Variants in LIN54 observed in about 807,000 individuals in gnomAD.
LIN54 encodes the protein protein lin-54 homolog.
In LIN54, 9 loss-of-function variants were observed where a neutral mutation model predicts 78.7. The observed-to-expected ratio is 0.11, with a 90% CI of 0.07 to 0.20. The LOEUF (loss-of-function observed/expected upper bound fraction) is 0.20, where lower values mean the gene tolerates loss of function less well. Among genes scored for constraint, LIN54 ranks in the 10% least tolerant of loss-of-function variants. The probability of loss-of-function intolerance (pLI) is 1.00; values close to 1 mark genes in which losing one functional copy is unlikely to be tolerated. For missense variants in LIN54, 573 were observed against 889.9 expected (o/e 0.64, Z 4.53); for synonymous variants, 269 against 318.4 (o/e 0.84, Z 1.65).
At chr4:82,990,235 A>G (rs533931345) in intron 1 of LIN54, among the ~76,000 whole-genome samples, 1 of 152,198 alleles carries the variant, frequency 6.6e-6, no homozygotes, top group East Asian at 1.9e-4. Context: ...GAGACTTTCA[A>G]CTCTCTTTGA....
At chr4:82,970,613 G>T in intron 3 of LIN54, 144 bp from the exon 4 acceptor site, 1 of 690,538 alleles carries the variant, frequency 1.4e-6, no homozygotes, top group Non-Finnish European at 2.4e-6. Context: ...AATGAACTAT[G>T]GTAAACCTAG....
At chr4:83,007,311 A>G (rs1729484249) in intron 1 of LIN54, among the ~76,000 whole-genome samples, 1 of 152,172 alleles carries the variant, frequency 6.6e-6, no homozygotes, top group African/African-American at 2.4e-5. Context: ...ATAAAACTGA[A>G]CAAATATACA....
At chr4:82,997,296 C>A (rs1728305796) in intron 1 of LIN54, among the ~76,000 whole-genome samples, 1 of 151,986 alleles carries the variant, frequency 6.6e-6, no homozygotes, top group Non-Finnish European at 1.5e-5. Context: ...ATAAAATAAA[C>A]CCATATTGTC....
intron 3 of LIN54, among the ~76,000 whole-genome samples, chr4:82,977,483 C>G (rs535580732): frequency 6.6e-6 from 1 of 152,176 alleles, no homozygotes; most frequent in South Asian, 2.1e-4. Context: ...TCACCTAACA[C>G]TGCTTTCACA....
chr4:82,954,579 G>A (rs1052571791), intron 4 of LIN54, among the ~76,000 whole-genome samples: 2 of 152,030 alleles, frequency 1.3e-5, no homozygotes, highest in East Asian at 1.9e-4. Context: ...CACCATGCCC[G>A]GCTAATTTTT....
chr4:82,975,528 T>C (rs1419473270), intron 3 of LIN54, among the ~76,000 whole-genome samples: 1 of 151,894 alleles, frequency 6.6e-6, no homozygotes, highest in Non-Finnish European at 1.5e-5. Context: ...CTGGCCAACA[T>C]GGTGAAACCC....
chr4:83,007,131 C>CG (rs1407457801), intron 1 of LIN54, among the ~76,000 whole-genome samples: 2 of 151,910 alleles, frequency 1.3e-5, no homozygotes, highest in African/African-American at 4.8e-5. Context: ...CAGAGTGAAA[C>CG]TCCGTCTCAA....
intron 1 of LIN54, among the ~76,000 whole-genome samples, chr4:82,990,555 C>T (rs927151320): frequency 6.6e-6 from 1 of 151,962 alleles, no homozygotes; most frequent in African/African-American, 2.4e-5. Flanking sequence ...GCGATCTCGG[C>T]TCATTGCAAG....
rs746095407 is a variant in LIN54 at position 82,984,719 on chromosome 4, T to C, written c.126A>G (p.Thr42=). The C allele has an allele frequency of 1.2e-6, 2 of 1,614,202 alleles. No individual in the cohort carries two copies. The highest frequency in any genetic ancestry group is 2.7e-5 in the African/African-American group (2 of 75,046). ...VIVSSPIPME[T]ELEEIVNINS... The stretch of plus-strand genomic sequence containing the variant: ...TTATGTTGACAATTTCTTCCAGTTC[T>C]GTCTCCATGGGAATTGGGGATGAAA... The change falls in exon 2 of 13, where the codon ACA becomes ACG. Residue 42 remains threonine, a synonymous_variant. Coordinates refer to ENST00000340417, the MANE Select transcript of LIN54 (RefSeq NM_194282.4).
chr4:82,978,385 T>G (rs1253770746), intron 3 of LIN54, among the ~76,000 whole-genome samples: 3 of 152,190 alleles, frequency 2.0e-5, no homozygotes, highest in African/African-American at 7.2e-5. Context: ...ACAGAAACCA[T>G]GAAATACTAT....
chr4:83,012,850 A>AGCGGCG (rs1453121667), upstream of LIN54: 1 of 150,042 alleles, frequency 6.7e-6, no homozygotes, highest in Non-Finnish European at 1.5e-5. Flanking sequence ...TCCCAGCAGC[A>AGCGGCG]GCGGCGGCGG....
At chr4:82,998,604 GAAGA>G (rs1474528454) in intron 1 of LIN54, among the ~76,000 whole-genome samples, 1 of 149,990 alleles carries the variant, frequency 6.7e-6, no homozygotes, top group Non-Finnish European at 1.5e-5. Flanking sequence ...GAGAGAAAGA[GAAGA>G]GAGAAAGAAG....
chr4:82,962,801 A>T (rs1408523848), intron 4 of LIN54, among the ~76,000 whole-genome samples: 1 of 151,926 alleles, frequency 6.6e-6, no homozygotes, highest in African/African-American at 2.4e-5. Context: ...ACACAAAGAA[A>T]AAAAAAACTA....
chr4:82,986,201 C>T (rs1280357791), intron 1 of LIN54, among the ~76,000 whole-genome samples: 3 of 151,942 alleles, frequency 2.0e-5, no homozygotes, highest in Admixed American at 6.5e-5. Context: ...CCGCAACCTC[C>T]ACCTCCCAGG....
chr4:82,936,244 A>C, intron 10 of LIN54, 35 bp downstream of exon 10: 1 of 1,519,556 alleles, frequency 6.6e-7, no homozygotes, highest in Non-Finnish European at 9.0e-7. Context: ...GAAACTGGAT[A>C]TTTCTGTCAG....
At position 82,978,897 on chromosome 4, in the gene LIN54, G is replaced by T; in HGVS notation, c.794C>A (p.Pro265Gln). ...AGAAATATAACCTGCAATAACTGGT[G>T]GTGAAACTTGAGTTGTCTGTCCTGT... is the stretch of plus-strand genomic sequence containing the variant. ...AVTGQTTQVS[P>Q]PVIAGRVLSQ... is the part of the protein sequence containing the mutation. Residue 265 changes from proline to glutamine, a missense_variant, in exon 3 of 13, where the codon CCA becomes CAA. By Grantham distance (76) the Pro-to-Gln change is moderately conservative. This residue lies in a region of LIN54 where 199 missense variants were observed against 260.9 expected (regional missense o/e 0.76). Transcript: ENST00000340417. 1 of 1,549,898 alleles carries T rather than the reference G, an allele frequency of 6.5e-7. No homozygotes were observed. Among genetic ancestry groups the T allele is most frequent in the South Asian group, 1.2e-5 (1 of 85,834 alleles).
chr4:82,999,777 C>CACAA lies in LIN54; in HGVS notation c.-33+10706_-33+10707insTTGT, dbSNP rs1553959089. Reference sequence around the variant, plus strand: ...TAGGTGACAGGGCGAGACTCTGTCTCAAAAAAAAAAAAAAAAAAGGCAAGA... The same window carrying CACAA: ...TAGGTGACAGGGCGAGACTCTGTCTCACAAAAAAAAAAAAAAAAAAAAGGCAAGA... On this transcript the variant is annotated intron_variant, in intron 1 of 12. Coordinates refer to ENST00000340417, the MANE Select transcript of LIN54 (RefSeq NM_194282.4). Among the ~76,000 whole-genome samples the CACAA allele has an allele frequency of 3.1e-4, 29 of 92,236 alleles. No homozygotes were observed. The East Asian group carries it at 8.4e-3, about 27-fold the overall frequency. 60.5% of individuals were successfully genotyped at this position (92,236 alleles called of 152,430 possible).
At chr4:82,941,749 T>C (rs1205202546) in intron 5 of LIN54, among the ~76,000 whole-genome samples, 3 of 152,024 alleles carry the variant, frequency 2.0e-5, no homozygotes, top group African/African-American at 7.2e-5. Context: ...GTAGGAACTG[T>C]AGGTATAAGC....
intron 1 of LIN54, among the ~76,000 whole-genome samples, chr4:82,997,329 G>A (rs1728308927): frequency 6.6e-6 from 1 of 152,044 alleles, no homozygotes; most frequent in Admixed American, 6.6e-5. Flanking sequence ...AACAAACTGA[G>A]AAACTCCTTT....
Sources: gnomAD v4.1 joint callset for allele counts (sites outside exome capture counted in the v4.1 genomes callset) on GRCh38, gnomAD v4.1.1 for gene constraint, gnomAD v4.1.1 regional missense constraint, MANE v1.5 for transcripts, NCBI Gene and HGNC (gene_info 2026-07-23, HGNC 2026-07-21) for gene names.